The following EPS15L1 variants were observed in gnomAD, a reference collection of about 807,000 sequenced individuals.
EPS15L1 encodes epidermal growth factor receptor pathway substrate 15 like 1.
EPS15L1 carries 43 observed loss-of-function variants against 117.1 expected under a neutral mutation model. The ratio of observed to expected loss-of-function variants is 0.37; its 90% confidence interval spans 0.29 to 0.47. The LOEUF is 0.47. Among genes scored for constraint, EPS15L1 ranks in the 20% least tolerant of loss-of-function variants. The pLI is 0.99. For synonymous variants in EPS15L1, 459 were observed against 470.5 expected (o/e 0.98, Z 0.32); for missense variants, 981 against 1,164.0 (o/e 0.84, Z 2.29).
intron 8 of EPS15L1, among the ~76,000 whole-genome samples, chr19:16,426,227 A>C (rs1370214619): frequency 2.0e-5 from 3 of 152,120 alleles, no homozygotes; most frequent in Non-Finnish European, 2.9e-5. Context: ...GGCGGGTGTG[A>C]CCTCCGTGGG....
intron 22 of EPS15L1, among the ~76,000 whole-genome samples, chr19:16,376,643 G>A (rs1267370274): frequency 6.6e-6 from 1 of 152,226 alleles, no homozygotes; most frequent in East Asian, 1.9e-4. Flanking sequence ...GAAGCAGCTG[G>A]GAAGGGACTG....
At chr19:16,462,777 G>T (rs1430363941) in intron 1 of EPS15L1, among the ~76,000 whole-genome samples, 2 of 152,226 alleles carry the variant, frequency 1.3e-5, no homozygotes, top group Non-Finnish European at 2.9e-5. Context: ...TGTGCAAAGG[G>T]TGGGGGCAGG....
intron 7 of EPS15L1, among the ~76,000 whole-genome samples, chr19:16,429,122 A>G (rs1017597718): frequency 3.9e-5 from 6 of 152,070 alleles, no homozygotes; most frequent in African/African-American, 1.4e-4. Flanking sequence ...CACACTCCCT[A>G]TGCTCACTCC....
intron 1 of EPS15L1, among the ~76,000 whole-genome samples, chr19:16,450,477 C>CTTTTTTTT (rs768287701): frequency 3.7e-5 from 4 of 108,196 alleles, no homozygotes; most frequent in African/African-American, 7.6e-5. Flanking sequence ...TGTCCATCTT[C>CTTTTTTTT]TTTTTTTTTT....
chr19:16,406,342 G>A (rs1472598621), intron 13 of EPS15L1, among the ~76,000 whole-genome samples: 1 of 152,176 alleles, frequency 6.6e-6, no homozygotes, highest in African/African-American at 2.4e-5. Context: ...GGAAACTCAG[G>A]AGAAAGACTC....
At chr19:16,419,470 A>T (rs957601445) in intron 10 of EPS15L1, among the ~76,000 whole-genome samples, 5 of 151,958 alleles carry the variant, frequency 3.3e-5, no homozygotes, top group Non-Finnish European at 7.4e-5. Context: ...AAAAAAAAAT[A>T]AAAAAATGAG....
chr19:16,454,447 T>C lies in EPS15L1; in HGVS notation c.34-12228A>G, dbSNP rs566758991. The stretch of plus-strand genomic sequence containing the variant: ...GCTAGTTTGCTTCCTCATGGCTTCC[T>C]ATGTTCCCTGGTGTACTATGTCAGC... On this transcript the variant is annotated intron_variant, in intron 1 of 23. Transcript: ENST00000455140. Among the ~76,000 whole-genome samples the C allele has an allele frequency of 5.9e-5, 9 of 152,336 alleles. 1 individual carries two copies. The South Asian group carries it at 1.9e-3, about 32-fold the overall frequency.
intron 1 of EPS15L1, among the ~76,000 whole-genome samples, chr19:16,447,434 TAGAA>T (rs2093094867): frequency 1.3e-5 from 2 of 152,232 alleles, no homozygotes; most frequent in Middle Eastern, 3.4e-3. Context: ...GCAGCAAAGT[TAGAA>T]AGAAAATGTT....
At chr19:16,360,295 T>C (rs528995671) in intron 23 of EPS15L1, among the ~76,000 whole-genome samples, 1 of 152,280 alleles carries the variant, frequency 6.6e-6, no homozygotes, top group East Asian at 1.9e-4. Context: ...TGAAGGGCTA[T>C]TCAAGAAACT....
intron 1 of EPS15L1, chr19:16,443,624 C>T (rs113627332): frequency 0.068 from 10,319 of 151,918 alleles, 417 homozygotes; most frequent in Non-Finnish European, 0.093. Context: ...GCAGGAGAAT[C>T]GCTTGAACCC....
chr19:16,435,904 G>C (rs2092973628), intron 6 of EPS15L1, among the ~76,000 whole-genome samples: 1 of 152,152 alleles, frequency 6.6e-6, no homozygotes, highest in Admixed American at 6.5e-5. Flanking sequence ...GTGAGGCCTG[G>C]ACATAACCCC....
At chr19:16,441,673 C>A in intron 3 of EPS15L1, 1 of 401,744 alleles carries the variant, frequency 2.5e-6, no homozygotes, top group Non-Finnish European at 4.4e-6. Context: ...ATCAAGACCC[C>A]AAAAGTACTC....
rs1449773033 is a variant in EPS15L1 at position 16,362,348 on chromosome 19, C to G, written c.2381-364G>C. ...ACTAATTTAAAAAATCATGGCTGAG[C>G]AGAAAAATACACTGCAAGCTTCTAA... On this transcript the variant is annotated intron_variant, in intron 22 of 23. Coordinates refer to ENST00000455140, the MANE Select transcript of EPS15L1 (RefSeq NM_001258374.3). 2.8e-5 allele frequency among the ~76,000 whole-genome samples: 4 copies of G among 144,772 alleles called. No individual in the cohort carries two copies. In the East Asian group the frequency reaches 7.9e-4, roughly 29 times the overall value. 95.0% of individuals were successfully genotyped at this position (144,772 alleles called of 152,430 possible).
At chr19:16,452,427 C>T (rs2093154387) in intron 1 of EPS15L1, among the ~76,000 whole-genome samples, 1 of 147,922 alleles carries the variant, frequency 6.8e-6, no homozygotes, top group Admixed American at 6.8e-5. Context: ...GCCTGGGCAA[C>T]AGGAGTGAAA....
chr19:16,373,653 G>A (rs1301884808), intron 22 of EPS15L1, among the ~76,000 whole-genome samples: 8 of 152,140 alleles, frequency 5.3e-5, no homozygotes, highest in African/African-American at 1.2e-4. Context: ...TGGGCTGCAC[G>A]TGGGTCTGTG....
At chr19:16,385,032 C>T (rs1009201385) in intron 21 of EPS15L1, 97 bp downstream of exon 21, 1 of 931,764 alleles carries the variant, frequency 1.1e-6, no homozygotes, top group Non-Finnish European at 1.7e-6. Context: ...CGGGGAGATA[C>T]ATACGTGACA....
At chr19:16,395,201 C>CAAA (rs368177768) in intron 17 of EPS15L1, 143 bp downstream of exon 17, 210 of 459,312 alleles carry the variant, frequency 4.6e-4, no homozygotes, top group South Asian at 7.6e-4. Context: ...AGTTCGTCTC[C>CAAA]AAAAAAAAAA....
At chr19:16,375,748 C>T (rs544946124) in intron 22 of EPS15L1, among the ~76,000 whole-genome samples, 1 of 152,354 alleles carries the variant, frequency 6.6e-6, no homozygotes, top group East Asian at 1.9e-4. Flanking sequence ...ATCCACACAG[C>T]CCATACTTGG....
intron 7 of EPS15L1, among the ~76,000 whole-genome samples, chr19:16,432,980 A>AT (rs144042862): frequency 0.14 from 20,818 of 147,136 alleles, 1,503 homozygotes; most frequent in Non-Finnish European, 0.15. Flanking sequence ...AGTTTTTTGT[A>AT]TTTTTTTTTC....
Sources: allele counts gnomAD v4.1 joint callset (sites outside exome capture counted in the v4.1 genomes callset), GRCh38; gene constraint gnomAD v4.1.1; transcripts MANE v1.5; gene names NCBI Gene and HGNC (gene_info 2026-07-23, HGNC 2026-07-21).